FLRT1: variants seen among roughly 807,000 people sequenced by gnomAD.
The protein encoded by FLRT1 is fibronectin leucine rich transmembrane protein 1.
In FLRT1, 14 loss-of-function variants were observed where a neutral mutation model predicts 30.9. The ratio of observed to expected loss-of-function variants is 0.45; its 90% CI spans 0.30 to 0.71. The LOEUF is 0.71. Ranked by LOEUF, FLRT1 falls within the 30% of genes least tolerant of loss-of-function variation. The pLI is 0.08. For synonymous variants in FLRT1, 368 were observed against 430.4 expected, an observed-to-expected ratio of 0.85 and a Z score of 1.80; for missense variants, 737 against 949.2, an observed-to-expected ratio of 0.78 and a Z score of 2.94.
chr11:64,117,596 G>A lies in FLRT1; in HGVS notation c.1329G>A (p.Val443=), dbSNP rs780491263. ...GDGAKTLAIH[V]KALTADSIRI... ...GCGCCAAGACCCTGGCCATCCACGT[G>A]AAGGCCCTGACGGCAGACTCCATCC... The change falls in exon 3 of 3, where the codon GTG becomes GTA. Residue 443 remains valine (V), a synonymous_variant. Transcript: ENST00000682287. 5 of 1,613,240 alleles carry A rather than the reference G, an allele frequency of 3.1e-6. No homozygotes were observed. The African/African-American group carries it at 4.0e-5, about 13-fold the overall frequency.
At chr11:64,077,603 G>A (rs1944226181) in intron 1 of FLRT1, among the ~76,000 whole-genome samples, 1 of 152,136 alleles carries the variant, frequency 6.6e-6, no homozygotes, top group South Asian at 2.1e-4. Context: ...CCTAGACACA[G>A]ACTGACGGGC....
chr11:64,084,159 C>A (rs551376986), intron 1 of FLRT1, among the ~76,000 whole-genome samples: 1 of 152,154 alleles, frequency 6.6e-6, no homozygotes, highest in African/African-American at 2.4e-5. Flanking sequence ...ATGGCACGCG[C>A]GCCTTCTGCA....
At chr11:64,079,360 C>G (rs1372634712) in intron 1 of FLRT1, among the ~76,000 whole-genome samples, 3 of 144,262 alleles carry the variant, frequency 2.1e-5, no homozygotes, top group Admixed American at 7.1e-5. Flanking sequence ...AAAGGGGAGA[C>G]AGATTTGGAG....
At chr11:64,046,515 A>C (rs903085193) in intron 1 of FLRT1, among the ~76,000 whole-genome samples, 1 of 152,202 alleles carries the variant, frequency 6.6e-6, no homozygotes, top group African/African-American at 2.4e-5. Context: ...GCTGTGCTCC[A>C]GCCCAGGTCA....
At position 64,116,909 on chromosome 11, in the gene FLRT1, G is replaced by A. The variant is rs769538146; in HGVS notation, c.642G>A (p.Pro214=). Residue 214 remains proline, a synonymous_variant, in exon 3 of 3, where the codon CCG becomes CCA. Transcript: ENST00000682287. ...RLDDNRISTI[P]LHAFKGLNSL... ...ATGACAACCGCATCTCCACCATCCCGCTGCATGCCTTCAAGGGCCTCAACA... is the reference window on the plus strand; with the variant it reads ...ATGACAACCGCATCTCCACCATCCCACTGCATGCCTTCAAGGGCCTCAACA... The A allele has an allele frequency of 5.0e-6, 8 of 1,611,300 alleles. No homozygotes were observed. The highest frequency in any genetic ancestry group is 2.2e-5 in the East Asian group (1 of 44,880).
At chr11:64,076,471 C>CG (rs1674331307) in intron 1 of FLRT1, among the ~76,000 whole-genome samples, 3 of 151,980 alleles carry the variant, frequency 2.0e-5, no homozygotes, top group African/African-American at 4.8e-5. Flanking sequence ...GACGGACGGA[C>CG]GAATGGATGG....
chr11:64,116,379 T>C lies in FLRT1; in HGVS notation c.112T>C (p.Cys38Arg). Reference sequence around the variant, plus strand: ...GGACCTGCGGGACTGGCTGTTCCTCTGCTACGGGCTCATCGCCTTCCTGAC... The same window carrying C: ...GGACCTGCGGGACTGGCTGTTCCTCCGCTACGGGCTCATCGCCTTCCTGAC... ...TMDLRDWLFL[C>R]YGLIAFLTEV... The change falls in exon 3 of 3, where the codon TGC becomes CGC. Residue 38 changes from cysteine (C) to arginine (R), a missense_variant. Physicochemically the swap from Cys to Arg is radical, Grantham distance 180 (BLOSUM62 -3). Transcript: ENST00000682287. 6.2e-7 allele frequency: 1 copy of C among 1,613,782 alleles called. No individual in the cohort carries two copies. Among genetic ancestry groups the C allele is most frequent in the Non-Finnish European group, 8.5e-7 (1 of 1,179,964 alleles).
At chr11:64,111,628 G>A (rs1439625053) in intron 2 of FLRT1, among the ~76,000 whole-genome samples, 2 of 152,156 alleles carry the variant, frequency 1.3e-5, no homozygotes, top group Non-Finnish European at 1.5e-5. Flanking sequence ...GTGTGTAGGC[G>A]GCAACCTCTG....
intron 1 of FLRT1, among the ~76,000 whole-genome samples, chr11:64,079,861 G>C (rs1944273424): frequency 6.6e-6 from 1 of 152,164 alleles, no homozygotes; most frequent in Middle Eastern, 3.2e-3. Flanking sequence ...AACAGCTCCA[G>C]AGTGAGGGAG....
intron 1 of FLRT1, among the ~76,000 whole-genome samples, chr11:64,068,044 C>T (rs1446572309): frequency 6.6e-6 from 1 of 152,198 alleles, no homozygotes; most frequent in Non-Finnish European, 1.5e-5. Context: ...TAACAAATTG[C>T]CTCACAGATA....
chr11:64,065,387 C>T (rs1373125561), intron 1 of FLRT1, among the ~76,000 whole-genome samples: 5 of 152,136 alleles, frequency 3.3e-5, no homozygotes, highest in Non-Finnish European at 5.9e-5. Flanking sequence ...CACAGATTTG[C>T]CATGTACGAA....
Position 64,049,823 on chromosome 11 carries a change from C to A in FLRT1, c.-1038+13664C>A, listed in dbSNP as rs377217091. 1.2e-3 allele frequency among the ~76,000 whole-genome samples: 188 copies of A among 152,310 alleles called. 1 individual carries two copies. The highest frequency in any genetic ancestry group is 4.1e-3 in the African/African-American group (169 of 41,580). The stretch of plus-strand genomic sequence containing the variant: ...TGAAGTCGTCTCTGCAGACTCCCTG[C>A]TTGCTAGGGCTGGGGCCTGGCTGAG... On this transcript the variant is annotated intron_variant, in intron 1 of 2. Coordinates refer to ENST00000682287, the MANE Select transcript of FLRT1 (RefSeq NM_013280.5).
At chr11:64,094,675 C>T (rs1011515356) in intron 1 of FLRT1, among the ~76,000 whole-genome samples, 2 of 152,306 alleles carry the variant, frequency 1.3e-5, no homozygotes, top group Admixed American at 1.3e-4. Flanking sequence ...CGGGCGGGAC[C>T]ATTTGTCTTT....
chr11:64,043,440 T>C (rs1371018836), intron 1 of FLRT1, among the ~76,000 whole-genome samples: 1 of 152,164 alleles, frequency 6.6e-6, no homozygotes, highest in Non-Finnish European at 1.5e-5. Context: ...CAGTGGACTC[T>C]AAACGCCTGG....
intron 1 of FLRT1, among the ~76,000 whole-genome samples, chr11:64,093,446 G>A (rs1173815274): frequency 2.0e-5 from 3 of 152,240 alleles, no homozygotes; most frequent in African/African-American, 4.8e-5. Context: ...CATGCTCACC[G>A]CTGCCTGGCA....
In FLRT1 at chr11:64,082,406, T is replaced by C. The variant is rs1944320021; in HGVS notation, c.-1037-20788T>C. 6.8e-6 allele frequency among the ~76,000 whole-genome samples: 1 copy of C among 146,456 alleles called. No homozygotes were observed. The highest frequency in any genetic ancestry group is 1.5e-5 in the Non-Finnish European group (1 of 66,078). On this transcript the variant is annotated intron_variant, in intron 1 of 2. Coordinates refer to ENST00000682287, the MANE Select transcript of FLRT1 (RefSeq NM_013280.5). This position sits in a 1 kb window ranked among gnomAD's most constrained non-coding sequence, Gnocchi z 4.5. ...TTGATGGCTGGGAGGGAGCCTGAAGTGGGGGCGTCCTAAGGTGAGGGGCAG... is the reference window on the plus strand; with the variant it reads ...TTGATGGCTGGGAGGGAGCCTGAAGCGGGGGCGTCCTAAGGTGAGGGGCAG...
intron 1 of FLRT1, among the ~76,000 whole-genome samples, chr11:64,081,267 C>T (rs1478233435): frequency 6.6e-6 from 1 of 152,200 alleles, no homozygotes; most frequent in East Asian, 1.9e-4. Context: ...GGTGATCTGC[C>T]CACCTCGGCC....
chr11:64,069,791 T>TGCAGACGCA (rs1161785992), intron 1 of FLRT1, among the ~76,000 whole-genome samples: 3 of 152,330 alleles, frequency 2.0e-5, no homozygotes, highest in South Asian at 4.1e-4. Flanking sequence ...TGCCGGCCAC[T>TGCAGACGCA]GCAGACGCAG....
chr11:64,037,673 C>T (rs1943408664), intron 1 of FLRT1, among the ~76,000 whole-genome samples: 1 of 152,016 alleles, frequency 6.6e-6, no homozygotes, highest in Non-Finnish European at 1.5e-5. Flanking sequence ...GCACCCAGTC[C>T]CATGTTCTTT....
Sources: allele counts gnomAD v4.1 joint callset (sites outside exome capture counted in the v4.1 genomes callset), GRCh38; gene constraint gnomAD v4.1.1; non-coding constraint Gnocchi (gnomAD v3.1); transcripts MANE v1.5; gene names NCBI Gene and HGNC (gene_info 2026-07-23, HGNC 2026-07-21).